NXPH1: variants seen among roughly 807,000 people sequenced by gnomAD.
NXPH1 encodes the protein neurexophilin 1, also known as neurexophilin-1.
In NXPH1, 5 loss-of-function variants were observed where a neutral mutation model predicts 23.7. The ratio of observed to expected loss-of-function variants is 0.21; its 90% CI spans 0.11 to 0.44. NXPH1 has a LOEUF of 0.44. Among genes scored for constraint, NXPH1 ranks in the 20% least tolerant of loss-of-function variants. The probability of loss-of-function intolerance (pLI) is 0.99; values close to 1 mark genes in which losing one functional copy is unlikely to be tolerated. For missense variants in NXPH1, 324 were observed against 321.6 expected (o/e 1.01, Z -0.06); for synonymous variants, 144 against 122.2 (o/e 1.18, Z -1.18).
chr7:8,503,417 A>G (rs1038990291), intron 2 of NXPH1, among the ~76,000 whole-genome samples: 1 of 151,968 alleles, frequency 6.6e-6, no homozygotes, highest in Non-Finnish European at 1.5e-5. Flanking sequence ...GGTCAGTGTT[A>G]TCTTGCATTA....
intron 2 of NXPH1, among the ~76,000 whole-genome samples, chr7:8,542,653 A>C (rs1818137574): frequency 6.6e-6 from 1 of 151,620 alleles, no homozygotes; most frequent in African/African-American, 2.4e-5. Context: ...AATAAATTGG[A>C]AATCAGTAAA....
rs1816208106 is a variant in NXPH1 at position 8,437,040 on chromosome 7, C to T, written c.54+1273C>T. On this transcript the variant is annotated intron_variant, in intron 2 of 2. Coordinates refer to ENST00000405863, the MANE Select transcript of NXPH1 (RefSeq NM_152745.3). ...TCCAAGAACCCTCAATGTTGCCTGT[C>T]TTTGCCCCTTTATCGCCTGACCGTA... Among the ~76,000 whole-genome samples the T allele has an allele frequency of 1.3e-5, 2 of 152,212 alleles. 1 individual carries two copies. Among genetic ancestry groups the T allele is most frequent in the Admixed American group, 1.3e-4 (2 of 15,290 alleles).
chr7:8,710,223 C>G (rs1472922846), intron 2 of NXPH1, among the ~76,000 whole-genome samples: 3 of 152,134 alleles, frequency 2.0e-5, no homozygotes, highest in African/African-American at 7.2e-5. Flanking sequence ...GCAGTTTATT[C>G]TGGCAGACAG....
At chr7:8,628,743 T>C (rs1026500458) in intron 2 of NXPH1, among the ~76,000 whole-genome samples, 2 of 152,040 alleles carry the variant, frequency 1.3e-5, no homozygotes, top group Non-Finnish European at 1.5e-5. Flanking sequence ...ATGAATGTTT[T>C]CTGGATAAAT....
chr7:8,692,970 G>A (rs77316352), intron 2 of NXPH1, among the ~76,000 whole-genome samples: 5,577 of 152,174 alleles, frequency 0.037, 197 homozygotes, highest in East Asian at 0.17. Context: ...ACAAGTAAGT[G>A]AAGTCTTCCT....
rs550717991 is a variant in NXPH1 at position 8,485,400 on chromosome 7, C to G, written c.54+49633C>G. Among the ~76,000 whole-genome samples, 5 of 152,090 alleles carry G rather than the reference C, an allele frequency of 3.3e-5. No homozygotes were observed. In the South Asian group the frequency reaches 1.0e-3, roughly 32 times the overall value. ...GCAGCACGAGAACAGACTAATACAC[C>G]AAGCCGAAAACTGAAGCCAAACTAA... is the stretch of plus-strand genomic sequence containing the variant. On this transcript the variant is annotated intron_variant, in intron 2 of 2. Transcript: ENST00000405863.
At chr7:8,637,647 G>C (rs560570715) in intron 2 of NXPH1, among the ~76,000 whole-genome samples, 2 of 152,206 alleles carry the variant, frequency 1.3e-5, no homozygotes, top group East Asian at 3.9e-4. Context: ...GCTGTGTTTA[G>C]ATTTTTGTTT....
At chr7:8,462,707 CATGTTGT>C (rs1307062080) in intron 2 of NXPH1, among the ~76,000 whole-genome samples, 1 of 152,162 alleles carries the variant, frequency 6.6e-6, no homozygotes, top group Non-Finnish European at 1.5e-5. Flanking sequence ...CTCAAAACAA[CATGTTGT>C]ACATGATATA....
intron 2 of NXPH1, among the ~76,000 whole-genome samples, chr7:8,473,482 G>C (rs941231773): frequency 6.6e-6 from 1 of 152,122 alleles, no homozygotes; most frequent in East Asian, 1.9e-4. Flanking sequence ...TGGCATGCGG[G>C]TGTGAGGCTT....
chr7:8,599,285 C>T (rs577404938), intron 2 of NXPH1, among the ~76,000 whole-genome samples: 10 of 152,208 alleles, frequency 6.6e-5, no homozygotes, highest in Admixed American at 2.0e-4. Context: ...TGAGAGAATG[C>T]CATCAGCACT....
At chr7:8,468,391 T>A (rs1484770902) in intron 2 of NXPH1, among the ~76,000 whole-genome samples, 1 of 152,122 alleles carries the variant, frequency 6.6e-6, no homozygotes, top group Non-Finnish European at 1.5e-5. Flanking sequence ...AAATGTCTTC[T>A]TTGAAAATGC....
chr7:8,611,324 C>T (rs1410113244), intron 2 of NXPH1, among the ~76,000 whole-genome samples: 1 of 152,146 alleles, frequency 6.6e-6, no homozygotes, highest in African/African-American at 2.4e-5. Flanking sequence ...TTACCTCTGT[C>T]TTCCTTTGGG....
At chr7:8,572,591 T>C (rs1818669676) in intron 2 of NXPH1, among the ~76,000 whole-genome samples, 1 of 152,072 alleles carries the variant, frequency 6.6e-6, no homozygotes, top group Non-Finnish European at 1.5e-5. Flanking sequence ...GCCTGATGCT[T>C]ATTTTTTTAA....
At chr7:8,550,430 T>TA (rs1818260235) in intron 2 of NXPH1, among the ~76,000 whole-genome samples, 1 of 151,564 alleles carries the variant, frequency 6.6e-6, no homozygotes. Context: ...GTTCCACTGT[T>TA]ATAGAGTGAG....
chr7:8,745,694 A>G (rs1583258619), intron 2 of NXPH1, among the ~76,000 whole-genome samples: 1 of 147,836 alleles, frequency 6.8e-6, no homozygotes, highest in East Asian at 2.0e-4. Flanking sequence ...CTGGGACTAC[A>G]GGCATGTGCC....
At chr7:8,618,081 G>T (rs1395239966) in intron 2 of NXPH1, among the ~76,000 whole-genome samples, 2 of 152,062 alleles carry the variant, frequency 1.3e-5, no homozygotes, top group Non-Finnish European at 2.9e-5. Context: ...CTAAACTGAT[G>T]AGTGTCACTC....
intron 2 of NXPH1, among the ~76,000 whole-genome samples, chr7:8,554,393 G>T (rs564320905): frequency 5.0e-4 from 76 of 151,740 alleles, no homozygotes; most frequent in African/African-American, 1.8e-3. Context: ...CCATCAGAAT[G>T]AGCCGGTCGG....
intron 2 of NXPH1, among the ~76,000 whole-genome samples, chr7:8,500,501 G>A (rs1445669857): frequency 6.6e-6 from 1 of 152,032 alleles, no homozygotes; most frequent in Non-Finnish European, 1.5e-5. Flanking sequence ...TGCCTTATTT[G>A]GCTGTTGTGA....
chr7:8,465,988 T>C (rs1422593303), intron 2 of NXPH1, among the ~76,000 whole-genome samples: 4 of 152,142 alleles, frequency 2.6e-5, no homozygotes, highest in Non-Finnish European at 5.9e-5. Context: ...TCTTAGGTGG[T>C]TGGGGGAATC....
Sources: allele counts gnomAD v4.1 joint callset (sites outside exome capture counted in the v4.1 genomes callset), GRCh38; gene constraint gnomAD v4.1.1; transcripts MANE v1.5; gene names NCBI Gene and HGNC (gene_info 2026-07-23, HGNC 2026-07-21).